The following SLIT2 variants were observed in gnomAD, a reference collection of about 807,000 sequenced individuals.
SLIT2 encodes the protein slit guidance ligand 2.
In SLIT2, 41 loss-of-function variants were observed where a neutral mutation model predicts 185.7. That is an observed-to-expected ratio of 0.22 (90% CI 0.17 to 0.29). The LOEUF (loss-of-function observed/expected upper bound fraction) is 0.29. Ranked by LOEUF, SLIT2 falls within the 10% of genes least tolerant of loss-of-function variation. The probability of loss-of-function intolerance (pLI) is 1.00; values close to 1 mark genes in which losing one functional copy is unlikely to be tolerated. For synonymous variants in SLIT2, 693 were observed against 680.2 expected, an observed-to-expected ratio of 1.02 and a Z score of -0.29; for missense variants, 1,571 against 1,909.0, an observed-to-expected ratio of 0.82 and a Z score of 3.30.
chr4:20,530,921 CA>C (rs1215161269), intron 16 of SLIT2, among the ~76,000 whole-genome samples: 2 of 148,832 alleles, frequency 1.3e-5, no homozygotes, highest in Non-Finnish European at 3.0e-5. Context: ...ACATTCCAAT[CA>C]AAACCACAAT....
chr4:20,503,529 C>T (rs998979479), intron 9 of SLIT2, among the ~76,000 whole-genome samples: 1 of 151,914 alleles, frequency 6.6e-6, no homozygotes, highest in Non-Finnish European at 1.5e-5. Flanking sequence ...ATATTCTCTC[C>T]CCCTGAAATC....
At chr4:20,553,297 G>C (rs1723940880) in intron 25 of SLIT2, among the ~76,000 whole-genome samples, 1 of 152,104 alleles carries the variant, frequency 6.6e-6, no homozygotes, top group Admixed American at 6.6e-5. Flanking sequence ...CCATCATCTT[G>C]TAAATACTTC....
At chr4:20,510,913 T>A (rs941450028) in intron 10 of SLIT2, among the ~76,000 whole-genome samples, 153 bp from the exon 11 acceptor site, 1 of 152,208 alleles carries the variant, frequency 6.6e-6, no homozygotes, top group South Asian at 2.1e-4. Context: ...ATTTCTTTTT[T>A]AAATTTCTGA....
At chr4:20,581,700 CT>C (rs1197927059) in intron 29 of SLIT2, among the ~76,000 whole-genome samples, 1 of 152,168 alleles carries the variant, frequency 6.6e-6, no homozygotes, top group African/African-American at 2.4e-5. Flanking sequence ...TGTATCCCCA[CT>C]TATGCAATCT....
At chr4:20,269,432 G>C (rs1015425738) in intron 4 of SLIT2, among the ~76,000 whole-genome samples, 15 of 151,804 alleles carry the variant, frequency 9.9e-5, no homozygotes, top group African/African-American at 2.9e-4. Flanking sequence ...TATCAAATAC[G>C]TCATAGACTA....
intron 33 of SLIT2, among the ~76,000 whole-genome samples, chr4:20,599,699 T>C (rs540831395): frequency 6.6e-6 from 1 of 152,286 alleles, no homozygotes; most frequent in South Asian, 2.1e-4. Flanking sequence ...TTTTTTAATA[T>C]AAATTTTCTC....
At position 20,252,847 on chromosome 4, in the gene SLIT2, G is replaced by T. The variant is rs929484878; in HGVS notation, c.-969G>T. Reference sequence around the variant, plus strand: ...TGGCCTTTGCCTTTCCACTCCTTCCGGTCTGCCTGGTTTTTAAGTCCGCCC... The same window carrying T: ...TGGCCTTTGCCTTTCCACTCCTTCCTGTCTGCCTGGTTTTTAAGTCCGCCC... On this transcript the variant is annotated 5_prime_UTR_variant, in exon 1 of 37. Coordinates refer to ENST00000504154, the MANE Select transcript of SLIT2 (RefSeq NM_004787.4). Among the ~76,000 whole-genome samples the T allele has an allele frequency of 1.3e-5, 2 of 152,066 alleles. No homozygotes were observed. The highest frequency in any genetic ancestry group is 2.9e-5 in the Non-Finnish European group (2 of 68,020).
chr4:20,582,299 C>CT (rs1269145010), intron 29 of SLIT2, among the ~76,000 whole-genome samples: 1 of 152,206 alleles, frequency 6.6e-6, no homozygotes, highest in African/African-American at 2.4e-5. Flanking sequence ...AGTCTCACCT[C>CT]TTCAGAAGAA....
intron 4 of SLIT2, among the ~76,000 whole-genome samples, chr4:20,343,077 T>G (rs796470249): frequency 3.3e-5 from 5 of 152,236 alleles, no homozygotes; most frequent in African/African-American, 1.2e-4. Context: ...AGGGTGTTCC[T>G]CTCTTCTAGC....
chr4:20,537,529 T>G (rs1462576404), intron 18 of SLIT2, among the ~76,000 whole-genome samples: 1 of 152,178 alleles, frequency 6.6e-6, no homozygotes, highest in Non-Finnish European at 1.5e-5. Flanking sequence ...TGTTTTTCAT[T>G]CACAGGACTC....
At chr4:20,538,773 C>T (rs1320823871) in intron 18 of SLIT2, among the ~76,000 whole-genome samples, 1 of 113,732 alleles carries the variant, frequency 8.8e-6, no homozygotes, top group Non-Finnish European at 1.8e-5. Context: ...CCTATAATGA[C>T]AATGACTAAA....
intron 15 of SLIT2, among the ~76,000 whole-genome samples, chr4:20,527,828 T>C (rs1446250563): frequency 6.6e-6 from 1 of 152,214 alleles, no homozygotes; most frequent in Non-Finnish European, 1.5e-5. Flanking sequence ...CTTTCCTTCT[T>C]GGTGATCTTT....
At chr4:20,456,072 T>C (rs1279981159) in intron 4 of SLIT2, among the ~76,000 whole-genome samples, 1 of 152,028 alleles carries the variant, frequency 6.6e-6, no homozygotes, top group East Asian at 1.9e-4. Flanking sequence ...AAAACCTGGG[T>C]TCAGGGGACA....
At chr4:20,506,100 C>A (rs74516845) in intron 9 of SLIT2, among the ~76,000 whole-genome samples, 2 of 151,926 alleles carry the variant, frequency 1.3e-5, no homozygotes, top group Non-Finnish European at 1.5e-5. Flanking sequence ...TATATGTAAA[C>A]ACACAAACAC....
chr4:20,547,745 A>G (rs943005507), intron 22 of SLIT2, among the ~76,000 whole-genome samples: 2 of 150,852 alleles, frequency 1.3e-5, no homozygotes, highest in Admixed American at 1.3e-4. Flanking sequence ...TAGTGTGTGT[A>G]TATATACACT....
At chr4:20,601,374 G>A (rs1399647912) in intron 33 of SLIT2, among the ~76,000 whole-genome samples, 3 of 152,192 alleles carry the variant, frequency 2.0e-5, no homozygotes, top group Non-Finnish European at 4.4e-5. Flanking sequence ...CATGATAAAT[G>A]TAAAATATTT....
rs755717376 is a variant in SLIT2 at position 20,523,889 on chromosome 4, G to A, written c.1260G>A (p.Arg420=). ...TIAKGTFSPL[R]AIQTMHLAQN... is the part of the protein sequence containing the mutation. ...CCAAGGGGACCTTTTCACCTCTTCG[G>A]GCCATTCAAACTATGTATGTATAAG... is the stretch of plus-strand genomic sequence containing the variant. The change falls in exon 13 of 37, where the codon CGG becomes CGA. Residue 420 remains arginine (R), a synonymous_variant. Transcript: ENST00000504154. 6.2e-7 allele frequency: 1 copy of A among 1,614,022 alleles called. No individual in the cohort carries two copies. The highest frequency in any genetic ancestry group is 1.1e-5 in the South Asian group (1 of 91,054).
intron 26 of SLIT2, among the ~76,000 whole-genome samples, chr4:20,556,308 A>C (rs1724247197): frequency 6.6e-6 from 1 of 152,036 alleles, no homozygotes; most frequent in Admixed American, 6.6e-5. Flanking sequence ...TCTACTCAGC[A>C]CATTATCAGG....
intron 4 of SLIT2, among the ~76,000 whole-genome samples, chr4:20,335,439 T>C (rs1720409969): frequency 6.6e-6 from 1 of 152,214 alleles, no homozygotes; most frequent in Admixed American, 6.5e-5. Context: ...TATAAATGAT[T>C]ACCTTTTTGA....
Sources: allele counts gnomAD v4.1 joint callset (sites outside exome capture counted in the v4.1 genomes callset), GRCh38; gene constraint gnomAD v4.1.1; transcripts MANE v1.5; gene names NCBI Gene and HGNC (gene_info 2026-07-23, HGNC 2026-07-21).